MAP3K19: variants seen among roughly 807,000 people sequenced by gnomAD.
MAP3K19 encodes mitogen-activated protein kinase kinase kinase 19.
A neutral mutation model predicts 114.4 loss-of-function variants in MAP3K19; 91 were observed. That is an observed-to-expected ratio of 0.80 (90% CI 0.67 to 0.95). The LOEUF is 0.95. Ranked by LOEUF, MAP3K19 falls within the 40% of genes least tolerant of loss-of-function variation. The pLI is 0.00. For missense variants in MAP3K19, 1,471 were observed against 1,573.2 expected (o/e 0.94, Z 1.10); for synonymous variants, 518 against 530.5 (o/e 0.98, Z 0.32).
chr2:134,976,507 G>A (rs1684245164), intron 12 of MAP3K19, among the ~76,000 whole-genome samples: 1 of 151,996 alleles, frequency 6.6e-6, no homozygotes, highest in Non-Finnish European at 1.5e-5. Context: ...TAACTTCTCT[G>A]TTGAAATCCA....
intron 12 of MAP3K19, among the ~76,000 whole-genome samples, chr2:134,968,440 G>A (rs1049505283): frequency 2.0e-5 from 3 of 149,302 alleles, no homozygotes; most frequent in Non-Finnish European, 4.4e-5. Context: ...GGGCGGCCGG[G>A]CAGAGGCGCC....
chr2:135,028,911 TATC>T (rs1688316013), intron 3 of MAP3K19, among the ~76,000 whole-genome samples: 1 of 152,204 alleles, frequency 6.6e-6, no homozygotes, highest in Admixed American at 6.5e-5. Context: ...CCACCTCTGA[TATC>T]AATGTTTATT....
At position 135,003,172 on chromosome 2, in the gene MAP3K19, C is replaced by G. The variant is rs555361517; in HGVS notation, c.235+2263G>C. ...AGCCCTCACCAGAAACCCATCCCTG[C>G]TAGAATCTTGATCTTGGACTTCCCA... On this transcript the variant is annotated intron_variant, in intron 6 of 12. Transcript: ENST00000392915. 2.0e-5 allele frequency among the ~76,000 whole-genome samples: 3 copies of G among 152,250 alleles called. No individual in the cohort carries two copies. In the East Asian group the frequency reaches 5.8e-4, roughly 29 times the overall value.
intron 2 of MAP3K19, among the ~76,000 whole-genome samples, chr2:135,039,587 C>T (rs1201440201): frequency 6.6e-6 from 1 of 151,990 alleles, no homozygotes; most frequent in Non-Finnish European, 1.5e-5. Flanking sequence ...TCTCAAAAAA[C>T]AAAACAAACA....
chr2:134,981,467 C>T lies in MAP3K19; in HGVS notation c.3274G>A (p.Ala1092Thr). The T allele has an allele frequency of 6.2e-7, 1 of 1,614,192 alleles. No individual in the cohort carries two copies. Among genetic ancestry groups the T allele is most frequent in the Non-Finnish European group, 8.5e-7 (1 of 1,180,018 alleles). ...QGQLIAVKQV[A>T]LDTSNKLAAE... ...GCTAATTTATTAGAGGTATCCAAAG[C>T]CACCTGTTTTACAGCTATTAGCTGT... The change falls in exon 12 of 13, where the codon GCT becomes ACT. Residue 1092 changes from alanine (A) to threonine (T), a missense_variant. Physicochemically the swap from Ala to Thr is moderately conservative, Grantham distance 58. Coordinates refer to ENST00000392915, the MANE Select transcript of MAP3K19 (RefSeq NM_025052.5).
rs1685185181 is a variant in MAP3K19 at position 134,987,012 on chromosome 2, A to T, written c.1860T>A (p.Asn620Lys). ...KKQSFPCICKNPGTQKSCVPL... is the reference protein window; with the variant it reads ...KKQSFPCICKKPGTQKSCVPL... ...GAACACATGACTTCTGTGTTCCTGG[A>T]TTTTTACAGATGCAAGGAAATGATT... Residue 620 changes from asparagine (N) to lysine (K), a missense_variant, in exon 10 of 13, where the codon AAT (asparagine) becomes AAA (lysine). Coordinates refer to ENST00000392915, the MANE Select transcript of MAP3K19 (RefSeq NM_025052.5). The T allele has an allele frequency of 1.2e-6, 2 of 1,613,354 alleles. No individual in the cohort carries two copies. Among genetic ancestry groups the T allele is most frequent in the East Asian group, 4.5e-5 (2 of 44,884 alleles).
intron 2 of MAP3K19, among the ~76,000 whole-genome samples, chr2:135,035,221 A>G (rs1199960425): frequency 2.0e-5 from 3 of 152,154 alleles, no homozygotes; most frequent in Non-Finnish European, 4.4e-5. Context: ...ACTTGGTGAA[A>G]CCCTGTCTCT....
At chr2:135,030,283 C>T (rs921658062) in intron 3 of MAP3K19, 29 bp downstream of exon 3, 1 of 152,608 alleles carries the variant, frequency 6.6e-6, no homozygotes, top group Non-Finnish European at 1.5e-5. Context: ...CACTCACCCA[C>T]CCAAAGACAG....
chr2:134,993,408 C>T (rs1442722323), intron 8 of MAP3K19, among the ~76,000 whole-genome samples: 2 of 152,200 alleles, frequency 1.3e-5, no homozygotes, highest in Non-Finnish European at 2.9e-5. Context: ...GGCACCTCCC[C>T]TTCATTCTTA....
At chr2:134,982,302 G>A (rs575475128) in intron 11 of MAP3K19, among the ~76,000 whole-genome samples, 2 of 143,034 alleles carry the variant, frequency 1.4e-5, no homozygotes, top group Admixed American at 6.9e-5. Flanking sequence ...AAGTATTTTT[G>A]TGGAGACGAG....
At chr2:134,996,099 CCA>C (rs1685966081) in intron 8 of MAP3K19, among the ~76,000 whole-genome samples, 1 of 151,882 alleles carries the variant, frequency 6.6e-6, no homozygotes, top group African/African-American at 2.4e-5. Context: ...ACCACCACAG[CCA>C]CCTAATTTTT....
At chr2:135,000,713 A>C (rs1269951845) in intron 6 of MAP3K19, among the ~76,000 whole-genome samples, 1 of 152,224 alleles carries the variant, frequency 6.6e-6, no homozygotes, top group Non-Finnish European at 1.5e-5. Flanking sequence ...TGAGATAAGC[A>C]CTGTGATAGA....
intron 12 of MAP3K19, among the ~76,000 whole-genome samples, chr2:134,967,709 C>G (rs951116213): frequency 1.3e-5 from 2 of 152,174 alleles, no homozygotes; most frequent in Non-Finnish European, 2.9e-5. Context: ...CTACTACATT[C>G]CTTTTTGCTA....
chr2:134,977,640 G>GCC (rs1482546748), intron 12 of MAP3K19, among the ~76,000 whole-genome samples: 24 of 152,190 alleles, frequency 1.6e-4, no homozygotes, highest in Middle Eastern at 3.4e-3. Flanking sequence ...GGGATTACTG[G>GCC]CGTGAGCCAC....
intron 2 of MAP3K19, among the ~76,000 whole-genome samples, chr2:135,032,334 G>T (rs936927527): frequency 3.4e-5 from 5 of 148,008 alleles, no homozygotes; most frequent in Non-Finnish European, 5.9e-5. Flanking sequence ...TCTGGCCTGG[G>T]TGACAGAGTG....
intron 12 of MAP3K19, among the ~76,000 whole-genome samples, chr2:134,976,271 A>G (rs1473604189): frequency 1.3e-5 from 2 of 152,190 alleles, no homozygotes; most frequent in Admixed American, 6.5e-5. Context: ...TCTCCGGAGC[A>G]ATGCTGTCAC....
At chr2:135,039,189 A>G (rs1258205490) in intron 2 of MAP3K19, among the ~76,000 whole-genome samples, 1 of 151,078 alleles carries the variant, frequency 6.6e-6, no homozygotes, top group Non-Finnish European at 1.5e-5. Context: ...CATTCATGGA[A>G]AGGAGTCAAA....
chr2:134,981,419 G>A lies in MAP3K19; in HGVS notation c.3322C>T (p.Leu1108=). 1.2e-6 allele frequency: 2 copies of A among 1,614,202 alleles called. No homozygotes were observed. Among genetic ancestry groups the A allele is most frequent in the Non-Finnish European group, 1.7e-6 (2 of 1,180,038 alleles). ...TTGAGCAAATCTACTTCTTCCTGTA[G>A]TTTCCGGTATTCCTTTTCAGCAGCT... The part of the protein sequence containing the change: ...KLAAEKEYRK[L]QEEVDLLKAL... The change falls in exon 12 of 13, where the codon CTA becomes TTA. Residue 1108 remains leucine (L), a synonymous_variant. Coordinates refer to ENST00000392915, the MANE Select transcript of MAP3K19 (RefSeq NM_025052.5).
In MAP3K19 at chr2:134,999,807, C is replaced by T; in HGVS notation, c.314+130G>A. On this transcript the variant is annotated intron_variant, in intron 7 of 12. Coordinates refer to ENST00000392915, the MANE Select transcript of MAP3K19 (RefSeq NM_025052.5). The surrounding 1 kb of genome is among the most constrained non-coding windows in gnomAD (Gnocchi z 4.1). ...AGTGTTTATGATCTGGCCTCTGCCA[C>T]ATACTATTTATTGTGACCTCTACTT... 1.5e-6 allele frequency: 1 copy of T among 674,658 alleles called. No homozygotes were observed. 41.8% of individuals were successfully genotyped at this position (674,658 alleles called of 1,614,324 possible).
Sources: gnomAD v4.1 joint callset for allele counts (sites outside exome capture counted in the v4.1 genomes callset) on GRCh38, gnomAD v4.1.1 for gene constraint, Gnocchi (gnomAD v3.1) non-coding constraint, MANE v1.5 for transcripts, NCBI Gene and HGNC (gene_info 2026-07-23, HGNC 2026-07-21) for gene names.